The following RGS22 variants were observed in gnomAD, a reference collection of about 807,000 sequenced individuals.
RGS22 encodes regulator of G protein signaling 22.
Under a neutral mutation model 172.9 loss-of-function variants are expected in RGS22, and 148 were observed. The ratio of observed to expected loss-of-function variants is 0.86; its 90% CI spans 0.75 to 0.98. The LOEUF (loss-of-function observed/expected upper bound fraction) is 0.98, where lower values mean the gene tolerates loss of function less well. Ranked by LOEUF, RGS22 falls within the 50% of genes least tolerant of loss-of-function variation. The pLI, the probability that RGS22 is intolerant of heterozygous loss-of-function variation, is 0.00. For synonymous variants in RGS22, 458 were observed against 480.2 expected (o/e 0.95, Z 0.60); for missense variants, 1,347 against 1,440.8 (o/e 0.93, Z 1.05).
intron 23 of RGS22, among the ~76,000 whole-genome samples, chr8:99,967,011 T>C (rs1343439874): frequency 2.0e-5 from 3 of 152,144 alleles, no homozygotes; most frequent in South Asian, 4.1e-4. Flanking sequence ...TTCTGCATTT[T>C]CTCCTGAGGT....
intron 2 of RGS22, among the ~76,000 whole-genome samples, chr8:100,104,481 A>ATG (rs1813765799): frequency 6.6e-6 from 1 of 151,430 alleles, no homozygotes; most frequent in Non-Finnish European, 1.5e-5. Context: ...GTATGTGTAG[A>ATG]TGTGTGTGTG....
At chr8:99,980,602 G>T (rs1812447117) in intron 22 of RGS22, among the ~76,000 whole-genome samples, 1 of 152,144 alleles carries the variant, frequency 6.6e-6, no homozygotes, top group South Asian at 2.1e-4. Flanking sequence ...GTGTGATGTG[G>T]CCCCTAAATA....
chr8:100,080,332 A>G lies in RGS22; in HGVS notation c.141T>C (p.Phe47=), dbSNP rs1366848439. 6.2e-7 allele frequency: 1 copy of G among 1,612,166 alleles called. No individual in the cohort carries two copies. The highest frequency in any genetic ancestry group is 8.5e-7 in the Non-Finnish European group (1 of 1,178,864). Residue 47 remains phenylalanine (F), a synonymous_variant, in exon 4 of 28, where the codon TTT becomes TTC. Coordinates refer to ENST00000360863, the MANE Select transcript of RGS22 (RefSeq NM_015668.5). ...CTTCAAAAACTCCATAATCTGCATT[A>G]AATCTAATTGCCTCTGAAAAGGTCT... ...SLPTFSEAIR[F]NADYGVFEVA... is the part of the protein sequence containing the mutation.
intron 6 of RGS22, among the ~76,000 whole-genome samples, chr8:100,067,214 C>T (rs1428129468): frequency 6.6e-6 from 1 of 152,066 alleles, no homozygotes; most frequent in African/African-American, 2.4e-5. Context: ...ATCTATTAAG[C>T]AGAATTAACA....
intron 5 of RGS22, 66 bp downstream of exon 5, chr8:100,072,079 T>C: frequency 1.1e-6 from 1 of 933,166 alleles, no homozygotes; most frequent in Non-Finnish European, 1.7e-6. Context: ...ACAGCTGTAG[T>C]CCTAGCAAAT....
intron 7 of RGS22, among the ~76,000 whole-genome samples, chr8:100,065,863 G>C (rs747738702): frequency 3.9e-5 from 6 of 152,006 alleles, no homozygotes; most frequent in Non-Finnish European, 8.8e-5. Flanking sequence ...ACCAGGCCAG[G>C]CATTTTCTAT....
intron 11 of RGS22, among the ~76,000 whole-genome samples, chr8:100,045,803 C>T (rs3101331): frequency 0.013 from 1,910 of 151,246 alleles, 57 homozygotes; most frequent in East Asian, 0.11. Flanking sequence ...CCTGTATGTC[C>T]TTTCACTTGT....
intron 19 of RGS22, among the ~76,000 whole-genome samples, chr8:99,998,969 C>A (rs950568615): frequency 1.3e-5 from 2 of 152,100 alleles, no homozygotes; most frequent in Admixed American, 6.5e-5. Context: ...CCAGCCTGGG[C>A]ACATAGCAAG....
At chr8:100,028,818 T>C (rs1269227927) in intron 14 of RGS22, among the ~76,000 whole-genome samples, 1 of 152,158 alleles carries the variant, frequency 6.6e-6, no homozygotes, top group East Asian at 1.9e-4. Context: ...AAACAGTATC[T>C]CCTAGTATTC....
intron 9 of RGS22, among the ~76,000 whole-genome samples, chr8:100,061,282 T>C (rs531625996): frequency 6.6e-5 from 10 of 152,252 alleles, no homozygotes; most frequent in Admixed American, 5.9e-4. Context: ...CCAAAAGCAA[T>C]TGCAACAAAA....
intron 24 of RGS22, among the ~76,000 whole-genome samples, chr8:99,964,543 G>A (rs577806726): frequency 6.7e-6 from 1 of 150,054 alleles, no homozygotes; most frequent in South Asian, 2.1e-4. Flanking sequence ...ATCTCTAACT[G>A]GACATTTCCC....
chr8:100,105,907 C>T lies in RGS22; in HGVS notation c.15G>A (p.Arg5=), dbSNP rs1025451591. 1.3e-6 allele frequency: 2 copies of T among 1,498,838 alleles called. No homozygotes were observed. The highest frequency in any genetic ancestry group is 2.3e-5 in the Admixed American group (1 of 44,006). The allele number at this position is 1,498,838 out of a possible 1,614,324, so 92.8% of individuals were successfully genotyped here. A position where few individuals can be genotyped will look rare whatever the true frequency, so the allele number is the denominator to read the frequency against. ...GGGGCCGCCACCTACCCGCGGTGAG[C>T]CTCTTCTCGGGCATGCCGTCCCCGC... The part of the protein sequence containing the change: MPEK[R]LTAEPPTITE... The change falls in exon 1 of 28, where the codon AGG becomes AGA. Residue 5 remains arginine (R), a synonymous_variant. Transcript: ENST00000360863.
chr8:99,962,594 C>T, intron 26 of RGS22, 93 bp downstream of exon 26: 1 of 1,434,862 alleles, frequency 7.0e-7, no homozygotes, highest in South Asian at 1.2e-5. Flanking sequence ...GTCCTCACCC[C>T]TTCCTCCCTG....
At chr8:100,047,976 G>A (rs964690370) in intron 10 of RGS22, among the ~76,000 whole-genome samples, 1 of 151,908 alleles carries the variant, frequency 6.6e-6, no homozygotes, top group Non-Finnish European at 1.5e-5. Context: ...GGGGGGTGCG[G>A]GTGTCAGCGG....
intron 9 of RGS22, among the ~76,000 whole-genome samples, chr8:100,058,171 C>CAAAAAA (rs71512460): frequency 3.6e-5 from 2 of 56,080 alleles, no homozygotes; most frequent in Admixed American, 2.1e-4. Flanking sequence ...ACAGAGGAGA[C>CAAAAAA]AAAAAAAAAA....
intron 20 of RGS22, among the ~76,000 whole-genome samples, chr8:99,994,327 C>T (rs1814110628): frequency 6.6e-6 from 1 of 152,180 alleles, no homozygotes; most frequent in African/African-American, 2.4e-5. Flanking sequence ...GTCAAATTGT[C>T]CCTGTTTGCA....
chr8:100,053,403 CA>C (rs533449344), intron 9 of RGS22, among the ~76,000 whole-genome samples: 1 of 112,346 alleles, frequency 8.9e-6, no homozygotes, highest in African/African-American at 3.5e-5. Context: ...GCCTGGGCGA[CA>C]AGAGCAAAAC....
intron 4 of RGS22, among the ~76,000 whole-genome samples, chr8:100,078,488 C>A (rs561600532): frequency 6.6e-6 from 1 of 151,400 alleles, no homozygotes; most frequent in East Asian, 1.9e-4. Flanking sequence ...TGTTTAAAAT[C>A]ACTACTACCA....
chr8:100,029,587 C>A (rs1257163989), intron 14 of RGS22, among the ~76,000 whole-genome samples: 1 of 151,458 alleles, frequency 6.6e-6, no homozygotes, highest in Non-Finnish European at 1.5e-5. Flanking sequence ...CCTGTAATCC[C>A]AGCTACTTGG....
Sources: gnomAD v4.1 joint callset for allele counts (sites outside exome capture counted in the v4.1 genomes callset) on GRCh38, gnomAD v4.1.1 for gene constraint, MANE v1.5 for transcripts, NCBI Gene and HGNC (gene_info 2026-07-23, HGNC 2026-07-21) for gene names.